NBAS: variants seen among roughly 807,000 people sequenced by gnomAD.
The protein encoded by NBAS is NBAS subunit of NRZ tethering complex, also known as NAG/BC035112 fusion.
NBAS carries 219 observed loss-of-function variants against 302.5 expected under a neutral mutation model. The observed-to-expected ratio is 0.72, with a 90% CI of 0.65 to 0.81. NBAS has a LOEUF of 0.81. Among genes scored for constraint, NBAS ranks in the 30% least tolerant of loss-of-function variants. The pLI, the probability that NBAS is intolerant of heterozygous loss-of-function variation, is 0.00. For synonymous variants in NBAS, 1,118 were observed against 1,021.6 expected (o/e 1.09, Z -1.80); for missense variants, 2,932 against 2,841.6 (o/e 1.03, Z -0.72).
intron 40 of NBAS, among the ~76,000 whole-genome samples, chr2:15,294,366 A>G (rs1670452039): frequency 6.6e-6 from 1 of 152,230 alleles, no homozygotes; most frequent in African/African-American, 2.4e-5. Context: ...GGAAAAATGA[A>G]GTGTATAAGC....
intron 35 of NBAS, among the ~76,000 whole-genome samples, chr2:15,331,208 A>T (rs1337951803): frequency 1.3e-5 from 2 of 152,208 alleles, no homozygotes; most frequent in Non-Finnish European, 2.9e-5. Context: ...CATTCAGACA[A>T]TCAACCTTTA....
intron 37 of NBAS, 86 bp from the exon 38 acceptor site, chr2:15,327,956 G>A (rs1471873806): frequency 1.3e-6 from 2 of 1,539,746 alleles, no homozygotes; most frequent in Non-Finnish European, 1.8e-6. Context: ...AGGATGTTAT[G>A]TTTTCTGGTG....
At chr2:15,407,277 G>C (rs1676461549) in intron 25 of NBAS, among the ~76,000 whole-genome samples, 1 of 152,176 alleles carries the variant, frequency 6.6e-6, no homozygotes, top group African/African-American at 2.4e-5. Flanking sequence ...TAGACCAAGA[G>C]AAAGTGCACA....
chr2:14,845,709 T>C, the NBAS span, among the ~76,000 whole-genome samples: 46 of 151,982 alleles, frequency 3.0e-4, no homozygotes, highest in African/African-American at 1.1e-3. Context: ...AAAAAGGAGA[T>C]TAAAATAATT....
At chr2:14,804,618 T>G in the NBAS span, among the ~76,000 whole-genome samples, 1 of 152,222 alleles carries the variant, frequency 6.6e-6, no homozygotes, top group South Asian at 2.1e-4. Flanking sequence ...GTTAATTCAG[T>G]TTTCATGCTG....
At chr2:15,177,169 TC>T (rs1664583472) in intron 51 of NBAS, among the ~76,000 whole-genome samples, 1 of 152,202 alleles carries the variant, frequency 6.6e-6, no homozygotes, top group Admixed American at 6.5e-5. Flanking sequence ...TCGTGCGCTA[TC>T]ATCACAACCA....
chr2:15,544,673 C>T (rs1216201803), intron 6 of NBAS, among the ~76,000 whole-genome samples: 1 of 152,112 alleles, frequency 6.6e-6, no homozygotes, highest in African/African-American at 2.4e-5. Context: ...AAAACAATAG[C>T]AATGACTCCC....
At chr2:15,219,082 T>C (rs1666797448) in intron 47 of NBAS, 114 bp from the exon 48 acceptor site, 2 of 1,343,338 alleles carry the variant, frequency 1.5e-6, no homozygotes, top group East Asian at 5.0e-5. Context: ...ACTTCGTTTT[T>C]TTCCTCTTGA....
chr2:15,239,355 A>G (rs988785818), intron 44 of NBAS, among the ~76,000 whole-genome samples: 2 of 148,822 alleles, frequency 1.3e-5, no homozygotes, highest in African/African-American at 2.5e-5. Flanking sequence ...GTGCATTTAT[A>G]TATTTTCTAT....
At chr2:15,317,194 T>C (rs1384537718) in intron 38 of NBAS, among the ~76,000 whole-genome samples, 2 of 151,968 alleles carry the variant, frequency 1.3e-5, no homozygotes, top group African/African-American at 4.8e-5. Context: ...CAGAAAGGAA[T>C]CGCATCAACA....
the NBAS span, among the ~76,000 whole-genome samples, chr2:14,893,139 T>A: frequency 6.6e-6 from 1 of 152,204 alleles, no homozygotes; most frequent in African/African-American, 2.4e-5. Context: ...TTTGGTCATT[T>A]ACATTTTGTA....
chr2:15,349,706 C>A (rs1673258309), intron 35 of NBAS, among the ~76,000 whole-genome samples: 1 of 151,988 alleles, frequency 6.6e-6, no homozygotes, highest in South Asian at 2.1e-4. Flanking sequence ...GTATTCCCAG[C>A]ACTTTGGGAG....
chr2:14,871,616 G>A, the NBAS span, among the ~76,000 whole-genome samples: 1 of 152,038 alleles, frequency 6.6e-6, no homozygotes, highest in Non-Finnish European at 1.5e-5. Flanking sequence ...ACATGTGGAA[G>A]TAAAATGTAT....
At position 15,374,607 on chromosome 2, in the gene NBAS, C is replaced by A. The variant is rs999917549; in HGVS notation, c.3703+1G>T. ...AATGCAACAGTAAGTAGAAAACTCA[C>A]CTTGCAAAGGCAGGATCTTTACCCC... is the stretch of plus-strand genomic sequence containing the variant. On this transcript the variant is annotated splice_donor_variant, in intron 31 of 51. Transcript: ENST00000281513. LOFTEE classifies it high-confidence loss of function. 5.0e-6 allele frequency: 8 copies of A among 1,610,518 alleles called. No individual in the cohort carries two copies. The highest frequency in any genetic ancestry group is 6.8e-6 in the Non-Finnish European group (8 of 1,176,840).
chr2:15,071,825 C>T, the NBAS span, among the ~76,000 whole-genome samples: 3 of 152,116 alleles, frequency 2.0e-5, no homozygotes, highest in East Asian at 1.9e-4. Context: ...TCTCATCCTC[C>T]TGCTTCTGAA....
At chr2:15,103,266 A>G in the NBAS span, among the ~76,000 whole-genome samples, 1 of 152,054 alleles carries the variant, frequency 6.6e-6, no homozygotes, top group Non-Finnish European at 1.5e-5. Flanking sequence ...TCCCTTTGAG[A>G]AAAGCTCTGA....
the NBAS span, among the ~76,000 whole-genome samples, chr2:15,091,167 T>C: frequency 6.6e-6 from 1 of 152,174 alleles, no homozygotes; most frequent in African/African-American, 2.4e-5. Context: ...GTTAATACGT[T>C]ATTGGCCTTG....
At chr2:15,263,530 T>C (rs1466694087) in intron 44 of NBAS, among the ~76,000 whole-genome samples, 1 of 152,234 alleles carries the variant, frequency 6.6e-6, no homozygotes, top group Non-Finnish European at 1.5e-5. Context: ...GGCCCCTTCC[T>C]ATCTTTCTGG....
At chr2:15,320,907 A>G (rs369816453) in intron 38 of NBAS, among the ~76,000 whole-genome samples, 1 of 152,182 alleles carries the variant, frequency 6.6e-6, no homozygotes, top group East Asian at 1.9e-4. Context: ...TAAAGTTCAT[A>G]TGGAACCAAA....
Sources: gnomAD v4.1 joint callset for allele counts (sites outside exome capture counted in the v4.1 genomes callset) on GRCh38, gnomAD v4.1.1 for gene constraint, MANE v1.5 for transcripts, NCBI Gene and HGNC (gene_info 2026-07-23, HGNC 2026-07-21) for gene names.